The following PARP8 variants were observed in gnomAD, a reference collection of about 807,000 sequenced individuals.
The protein encoded by PARP8 is protein mono-ADP-ribosyltransferase PARP8.
A neutral mutation model predicts 124.1 loss-of-function variants in PARP8; 51 were observed. The observed-to-expected ratio is 0.41, with a 90% CI of 0.33 to 0.52. PARP8 has a LOEUF of 0.52. Among genes scored for constraint, PARP8 ranks in the 20% least tolerant of loss-of-function variants. The pLI, the probability that PARP8 is intolerant of heterozygous loss-of-function variation, is 0.21. For synonymous variants in PARP8, 391 were observed against 361.5 expected, an observed-to-expected ratio of 1.08 and a Z score of -0.93; for missense variants, 860 against 1,018.9, an observed-to-expected ratio of 0.84 and a Z score of 2.12.
chr5:50,682,157 T>G (rs535403096), intron 2 of PARP8, among the ~76,000 whole-genome samples: 1 of 152,256 alleles, frequency 6.6e-6, no homozygotes, highest in Admixed American at 6.5e-5. Context: ...TGGATAGAAT[T>G]TTGCTGTTTG....
In PARP8 at chr5:50,760,599, A is replaced by C. The variant is rs576867309; in HGVS notation, c.345+237A>C. ...TCTGGTTTAAATCTAAATAAAATGTATATAAAGCTTAATTTATTCTGTATT... is the reference window on the plus strand; with the variant it reads ...TCTGGTTTAAATCTAAATAAAATGTCTATAAAGCTTAATTTATTCTGTATT... On this transcript the variant is annotated intron_variant, in intron 5 of 25. Transcript: ENST00000281631. 5.9e-5 allele frequency among the ~76,000 whole-genome samples: 9 copies of C among 152,166 alleles called. No homozygotes were observed. In the South Asian group the frequency reaches 1.9e-3, roughly 32 times the overall value.
intron 9 of PARP8, among the ~76,000 whole-genome samples, chr5:50,783,852 C>T (rs561484831): frequency 7.9e-5 from 12 of 151,994 alleles, no homozygotes; most frequent in Non-Finnish European, 1.6e-4. Flanking sequence ...TTTGTCAAAC[C>T]TTTATTTTTC....
At chr5:50,768,027 G>T (rs1363770387) in intron 7 of PARP8, among the ~76,000 whole-genome samples, 1 of 152,090 alleles carries the variant, frequency 6.6e-6, no homozygotes, top group African/African-American at 2.4e-5. Flanking sequence ...GTGTGTGTGT[G>T]TGTGTGTTCC....
intron 1 of PARP8, chr5:50,667,723 A>T: frequency 2.9e-6 from 2 of 700,942 alleles, no homozygotes; most frequent in South Asian, 1.5e-5. Flanking sequence ...TTCCCAAGGC[A>T]CCCAGCGCCC....
intron 25 of PARP8, 39 bp from the exon 26 acceptor site, chr5:50,841,927 T>C (rs1273426389): frequency 7.0e-7 from 1 of 1,423,766 alleles, no homozygotes; most frequent in South Asian, 1.2e-5. Flanking sequence ...TGCTGCCATC[T>C]TTTAAAATGT....
intron 2 of PARP8, among the ~76,000 whole-genome samples, chr5:50,674,617 C>T (rs532508909): frequency 1.4e-4 from 21 of 152,288 alleles, no homozygotes; most frequent in African/African-American, 4.6e-4. Context: ...CATTCTTGGC[C>T]TTTGAGAGCT....
chr5:50,667,860 A>G (rs1749527619), intron 1 of PARP8: 1 of 1,397,612 alleles, frequency 7.2e-7, no homozygotes, highest in Admixed American at 2.1e-5. Context: ...GGCACCCGGC[A>G]CTTGTTGCGG....
chr5:50,721,110 G>T (rs1352570489), intron 2 of PARP8, among the ~76,000 whole-genome samples: 1 of 151,580 alleles, frequency 6.6e-6, no homozygotes, highest in East Asian at 1.9e-4. Context: ...TTCCTTAGGG[G>T]GTGTGTATGA....
At chr5:50,804,963 T>C (rs1345663619) in intron 14 of PARP8, among the ~76,000 whole-genome samples, 4 of 152,106 alleles carry the variant, frequency 2.6e-5, no homozygotes, top group African/African-American at 4.8e-5. Context: ...AGGTTAAATG[T>C]CACAAGTTTT....
At chr5:50,840,116 A>C (rs944254183) in intron 25 of PARP8, among the ~76,000 whole-genome samples, 1 of 151,858 alleles carries the variant, frequency 6.6e-6, no homozygotes, top group African/African-American at 2.4e-5. Flanking sequence ...TTCTTACCAC[A>C]AAAAGAAATG....
intron 15 of PARP8, among the ~76,000 whole-genome samples, chr5:50,818,476 C>T (rs559996253): frequency 1.4e-4 from 22 of 152,278 alleles, no homozygotes; most frequent in African/African-American, 4.6e-4. Flanking sequence ...GGGATCCTCC[C>T]GCCTCAGCCT....
chr5:50,683,319 A>G (rs1357062566), intron 2 of PARP8, among the ~76,000 whole-genome samples: 1 of 152,186 alleles, frequency 6.6e-6, no homozygotes, highest in Non-Finnish European at 1.5e-5. Context: ...GATTAATTAA[A>G]TTTAAAAGAA....
At chr5:50,746,945 T>G (rs1373319284) in intron 2 of PARP8, among the ~76,000 whole-genome samples, 1 of 152,032 alleles carries the variant, frequency 6.6e-6, no homozygotes, top group African/African-American at 2.4e-5. Context: ...GGGCAGTTGC[T>G]TGACCCCAGG....
intron 2 of PARP8, among the ~76,000 whole-genome samples, chr5:50,677,739 C>T (rs1415524646): frequency 6.6e-6 from 1 of 151,910 alleles, no homozygotes; most frequent in Non-Finnish European, 1.5e-5. Context: ...GAATCCTTTC[C>T]AGCTGTAAGT....
intron 3 of PARP8, among the ~76,000 whole-genome samples, chr5:50,754,434 T>G (rs1245073225): frequency 1.3e-5 from 2 of 151,576 alleles, no homozygotes; most frequent in Non-Finnish European, 2.9e-5. Context: ...ACATGTGGTG[T>G]TTGGTTTTTT....
At chr5:50,738,181 T>C (rs1757668694) in intron 2 of PARP8, among the ~76,000 whole-genome samples, 1 of 152,204 alleles carries the variant, frequency 6.6e-6, no homozygotes, top group Admixed American at 6.5e-5. Context: ...ACATATAGTA[T>C]TTAAACAGAG....
intron 15 of PARP8, among the ~76,000 whole-genome samples, chr5:50,818,666 A>G (rs1372769252): frequency 6.8e-6 from 1 of 147,600 alleles, no homozygotes. Context: ...GGCCTGAGCC[A>G]CCACACCCAG....
intron 14 of PARP8, among the ~76,000 whole-genome samples, chr5:50,813,266 C>G (rs1370717979): frequency 6.6e-6 from 1 of 152,096 alleles, no homozygotes; most frequent in Non-Finnish European, 1.5e-5. Context: ...TCTTTTATTT[C>G]GTTGAGCAGT....
intron 14 of PARP8, among the ~76,000 whole-genome samples, chr5:50,814,662 A>T (rs908143690): frequency 6.6e-6 from 1 of 152,170 alleles, no homozygotes; most frequent in Non-Finnish European, 1.5e-5. Context: ...CAGAAGACCA[A>T]GTTGGCCTCT....
Sources: gnomAD v4.1 joint callset for allele counts (sites outside exome capture counted in the v4.1 genomes callset) on GRCh38, gnomAD v4.1.1 for gene constraint, MANE v1.5 for transcripts, NCBI Gene and HGNC (gene_info 2026-07-23, HGNC 2026-07-21) for gene names.